The following NXPE2 variants were observed in gnomAD, a reference collection of about 807,000 sequenced individuals.
The protein encoded by NXPE2 is neurexophilin and PC-esterase domain family member 2.
In NXPE2, 34 loss-of-function variants were observed where a neutral mutation model predicts 34.4. The observed-to-expected ratio is 0.99, with a 90% CI of 0.75 to 1.31. The LOEUF (loss-of-function observed/expected upper bound fraction) is 1.31, where lower values mean the gene tolerates loss of function less well. NXPE2 is among the 40% of genes most tolerant of loss of function. The pLI is 0.00. For missense variants in NXPE2, 649 were observed against 672.5 expected, an observed-to-expected ratio of 0.97 and a Z score of 0.39; for synonymous variants, 235 against 231.3, an observed-to-expected ratio of 1.02 and a Z score of -0.15.
chr11:114,708,766 T>G (rs553328619), downstream of NXPE2, among the ~76,000 whole-genome samples: 1 of 152,346 alleles, frequency 6.6e-6, no homozygotes, highest in East Asian at 1.9e-4. Flanking sequence ...ACTTATTGGT[T>G]CTAATTCCTC....
the NXPE2 span, among the ~76,000 whole-genome samples, chr11:114,474,440 A>T: frequency 2.0e-5 from 3 of 152,214 alleles, no homozygotes; most frequent in Admixed American, 6.5e-5. Flanking sequence ...TTAGCCTATA[A>T]GGTAGGAGGA....
the NXPE2 span, among the ~76,000 whole-genome samples, chr11:114,523,903 T>A: frequency 6.6e-6 from 1 of 152,338 alleles, no homozygotes; most frequent in African/African-American, 2.4e-5. Context: ...GGAAACCAGT[T>A]TGAATGCTGT....
chr11:114,730,491 C>G, the NXPE2 span, among the ~76,000 whole-genome samples: 2 of 152,082 alleles, frequency 1.3e-5, no homozygotes, highest in African/African-American at 4.8e-5. Flanking sequence ...CTGCTTTGGG[C>G]AGTATGGCCA....
the NXPE2 span, among the ~76,000 whole-genome samples, chr11:114,795,179 G>A: frequency 6.6e-6 from 1 of 152,220 alleles, no homozygotes; most frequent in East Asian, 1.9e-4. Context: ...CCTGGGAGGT[G>A]AAGGAAGCAA....
chr11:114,679,791 CA>C, intron 2 of NXPE2, 29 bp downstream of exon 2: 2 of 1,376,496 alleles, frequency 1.5e-6, no homozygotes, highest in Non-Finnish European at 2.0e-6. Context: ...AAGAATTTCA[CA>C]GAAGGTCACG....
the NXPE2 span, among the ~76,000 whole-genome samples, chr11:114,635,213 T>G: frequency 6.7e-6 from 1 of 150,194 alleles, no homozygotes; most frequent in Middle Eastern, 3.4e-3. Context: ...GGTATTTTAT[T>G]ATCTTTGAAG....
At chr11:114,515,467 A>C in the NXPE2 span, among the ~76,000 whole-genome samples, 2 of 152,240 alleles carry the variant, frequency 1.3e-5, no homozygotes, top group African/African-American at 4.8e-5. Flanking sequence ...GAGGAAACTG[A>C]GACTTCAAAC....
chr11:114,543,005 A>G, the NXPE2 span, among the ~76,000 whole-genome samples: 1 of 152,210 alleles, frequency 6.6e-6, no homozygotes, highest in South Asian at 2.1e-4. Flanking sequence ...CTATAATCCC[A>G]GCACTTTGGG....
the NXPE2 span, among the ~76,000 whole-genome samples, chr11:114,546,212 A>T: frequency 2.0e-5 from 3 of 152,218 alleles, no homozygotes; most frequent in African/African-American, 7.2e-5. Context: ...CTCAGTTAAC[A>T]ATTCTGAAAC....
At chr11:114,639,408 C>G in the NXPE2 span, among the ~76,000 whole-genome samples, 6 of 151,864 alleles carry the variant, frequency 4.0e-5, no homozygotes, top group African/African-American at 1.5e-4. Context: ...CTCCCTGACC[C>G]CTTGCGCTTC....
the NXPE2 span, among the ~76,000 whole-genome samples, chr11:114,534,281 C>T: frequency 1.3e-5 from 2 of 152,210 alleles, no homozygotes. Context: ...CAAAACCCAT[C>T]TGTACATAAC....
chr11:114,587,925 G>A, the NXPE2 span, among the ~76,000 whole-genome samples: 1 of 152,166 alleles, frequency 6.6e-6, no homozygotes, highest in Non-Finnish European at 1.5e-5. Context: ...CCTGCAGAGG[G>A]GAGCCTTAAT....
chr11:114,578,127 T>C, the NXPE2 span, among the ~76,000 whole-genome samples: 2 of 152,200 alleles, frequency 1.3e-5, no homozygotes, highest in African/African-American at 4.8e-5. Flanking sequence ...GGAGGATTAT[T>C]GATGCTTTGT....
At chr11:114,664,263 G>C in the NXPE2 span, among the ~76,000 whole-genome samples, 2 of 152,060 alleles carry the variant, frequency 1.3e-5, no homozygotes, top group South Asian at 2.1e-4. Context: ...GACTAAAAAG[G>C]CTTATATAAC....
the NXPE2 span, among the ~76,000 whole-genome samples, chr11:114,627,857 A>G: frequency 6.6e-6 from 1 of 151,524 alleles, no homozygotes; most frequent in African/African-American, 2.4e-5. Flanking sequence ...AAAAAAATGC[A>G]GGGATTGCAA....
chr11:114,595,003 G>A, the NXPE2 span, among the ~76,000 whole-genome samples: 2 of 152,046 alleles, frequency 1.3e-5, no homozygotes, highest in African/African-American at 4.8e-5. Flanking sequence ...AGCCCACTGT[G>A]ATCTTTAAGA....
chr11:114,692,299 C>T (rs1194956064), intron 2 of NXPE2, among the ~76,000 whole-genome samples: 2 of 152,184 alleles, frequency 1.3e-5, no homozygotes, highest in African/African-American at 4.8e-5. Context: ...CCATTTACAT[C>T]TCAGCCTCAC....
the NXPE2 span, among the ~76,000 whole-genome samples, chr11:114,642,738 C>A: frequency 6.6e-6 from 1 of 151,956 alleles, no homozygotes; most frequent in Non-Finnish European, 1.5e-5. Context: ...GTGCATGTGT[C>A]TTTATAGTAG....
At chr11:114,794,058 T>A in the NXPE2 span, among the ~76,000 whole-genome samples, 1 of 152,114 alleles carries the variant, frequency 6.6e-6, no homozygotes, top group Non-Finnish European at 1.5e-5. Flanking sequence ...CTGCCTCAGC[T>A]CCTTCCCGTG....
Sources: allele counts gnomAD v4.1 joint callset (sites outside exome capture counted in the v4.1 genomes callset), GRCh38; gene constraint gnomAD v4.1.1; transcripts MANE v1.5; gene names NCBI Gene and HGNC (gene_info 2026-07-23, HGNC 2026-07-21).